The following CPNE4 variants were observed in gnomAD, a reference collection of about 807,000 sequenced individuals.
The protein encoded by CPNE4 is copine-4.
In CPNE4, 25 loss-of-function variants were observed where a neutral mutation model predicts 67.9. The ratio of observed to expected loss-of-function variants is 0.37; its 90% confidence interval spans 0.27 to 0.51. The LOEUF is 0.51. Among genes scored for constraint, CPNE4 ranks in the 20% least tolerant of loss-of-function variants. The probability of loss-of-function intolerance (pLI) is 0.93; values close to 1 mark genes in which losing one functional copy is unlikely to be tolerated. For synonymous variants in CPNE4, 242 were observed against 244.9 expected, an observed-to-expected ratio of 0.99 and a Z score of 0.11; for missense variants, 464 against 690.8, an observed-to-expected ratio of 0.67 and a Z score of 3.68.
rs79127364 is a variant in CPNE4 at position 131,999,241 on chromosome 3, T to TAAAAAAAAAAAAAAAAAA, written c.-2+35308_-2+35325dup. Among the ~76,000 whole-genome samples, 146 of 98,792 alleles carry TAAAAAAAAAAAAAAAAAA rather than the reference T, an allele frequency of 1.5e-3. 7 individuals are homozygous for TAAAAAAAAAAAAAAAAAA. The highest frequency in any genetic ancestry group is 0.012 in the Middle Eastern group (2 of 168). The allele number at this position is 98,792 out of a possible 152,430, so 64.8% of individuals were successfully genotyped here. ...CTCAATTATAGGTATTTATCCAAGG[T>TAAAAAAAAAAAAAAAAAA]AAAAAAAAAAAAAAAAAAAAAAAGA... On this transcript the variant is annotated intron_variant, in intron 1 of 15. Coordinates refer to ENST00000429747, the MANE Select transcript of CPNE4 (RefSeq NM_130808.3).
intron 2 of CPNE4, among the ~76,000 whole-genome samples, chr3:131,767,167 TCTTTGA>T (rs2083040810): frequency 6.6e-6 from 1 of 152,170 alleles, no homozygotes; most frequent in African/African-American, 2.4e-5. Context: ...TCTCTCTCTC[TCTTTGA>T]CTTTGATTTT....
At chr3:131,942,821 T>C (rs1583487432) in intron 1 of CPNE4, among the ~76,000 whole-genome samples, 1 of 152,164 alleles carries the variant, frequency 6.6e-6, no homozygotes, top group Non-Finnish European at 1.5e-5. Flanking sequence ...ATCTGTAAAA[T>C]GATCTCTAAG....
At chr3:131,899,480 C>T (rs2088468045) in intron 2 of CPNE4, among the ~76,000 whole-genome samples, 1 of 152,022 alleles carries the variant, frequency 6.6e-6, no homozygotes, top group African/African-American at 2.4e-5. Flanking sequence ...CTGCAGACAA[C>T]AGAAAGGCCA....
At chr3:132,030,863 A>T (rs2107702900) in intron 1 of CPNE4, among the ~76,000 whole-genome samples, 1 of 152,342 alleles carries the variant, frequency 6.6e-6, no homozygotes, top group Non-Finnish European at 1.5e-5. Flanking sequence ...GGAGATATTC[A>T]CTGAGTTTAA....
At chr3:131,576,090 C>G (rs894442739) in intron 9 of CPNE4, among the ~76,000 whole-genome samples, 1 of 152,116 alleles carries the variant, frequency 6.6e-6, no homozygotes, top group African/African-American at 2.4e-5. Flanking sequence ...CCTGGACAGC[C>G]AGTAACTGTA....
At chr3:131,573,487 G>C (rs951621002) in intron 10 of CPNE4, among the ~76,000 whole-genome samples, 4 of 152,030 alleles carry the variant, frequency 2.6e-5, no homozygotes, top group African/African-American at 9.7e-5. Flanking sequence ...AATTTTTGTT[G>C]GGGCTGATTC....
At chr3:131,774,043 G>A (rs1483379130) in intron 2 of CPNE4, among the ~76,000 whole-genome samples, 4 of 152,034 alleles carry the variant, frequency 2.6e-5, no homozygotes, top group African/African-American at 9.7e-5. Context: ...TATATTTTGA[G>A]ACTATTTCAT....
chr3:131,734,219 C>T (rs73875005), intron 2 of CPNE4, among the ~76,000 whole-genome samples: 6 of 152,178 alleles, frequency 3.9e-5, no homozygotes, highest in Non-Finnish European at 5.9e-5. Flanking sequence ...CTTCTCTTTC[C>T]CATGGCACTT....
intron 1 of CPNE4, among the ~76,000 whole-genome samples, chr3:131,977,783 C>G (rs1451005851): frequency 6.6e-6 from 1 of 151,616 alleles, no homozygotes; most frequent in East Asian, 1.9e-4. Context: ...ACCCATCACC[C>G]AAGCAGTATA....
chr3:132,010,175 C>T (rs914872710), intron 1 of CPNE4, among the ~76,000 whole-genome samples: 1 of 152,146 alleles, frequency 6.6e-6, no homozygotes, highest in Non-Finnish European at 1.5e-5. Context: ...GATTGCCTAA[C>T]TTCAGTGAAT....
At chr3:131,580,346 A>G (rs2107689790) in intron 9 of CPNE4, among the ~76,000 whole-genome samples, 1 of 152,088 alleles carries the variant, frequency 6.6e-6, no homozygotes, top group Admixed American at 6.6e-5. Flanking sequence ...GCTTTATTGC[A>G]TTGGTTTGGA....
intron 2 of CPNE4, among the ~76,000 whole-genome samples, chr3:131,830,668 G>A (rs760196963): frequency 3.9e-5 from 6 of 151,988 alleles, no homozygotes; most frequent in East Asian, 1.9e-4. Context: ...TTCTTATTTC[G>A]AATCAGCTAT....
chr3:131,575,578 T>C (rs1415346177), intron 9 of CPNE4, among the ~76,000 whole-genome samples: 1 of 152,176 alleles, frequency 6.6e-6, no homozygotes, highest in Non-Finnish European at 1.5e-5. Flanking sequence ...GGTAATTTAC[T>C]GACAATTTCC....
At chr3:131,605,152 C>A (rs2081354236) in intron 7 of CPNE4, among the ~76,000 whole-genome samples, 1 of 152,130 alleles carries the variant, frequency 6.6e-6, no homozygotes, top group Non-Finnish European at 1.5e-5. Flanking sequence ...TATTCTCTTG[C>A]ATGGCTCATT....
At chr3:131,905,573 C>A in intron 1 of CPNE4, 129 bp from the exon 2 acceptor site, 1 of 804,526 alleles carries the variant, frequency 1.2e-6, no homozygotes, top group Non-Finnish European at 1.9e-6. Context: ...AGGTATTTAT[C>A]TCACTTTCCA....
intron 7 of CPNE4, among the ~76,000 whole-genome samples, chr3:131,608,610 A>G (rs1248155496): frequency 6.6e-6 from 1 of 152,108 alleles, no homozygotes; most frequent in Non-Finnish European, 1.5e-5. Context: ...CATTGAAATC[A>G]ACTGGCCTTA....
chr3:131,996,505 A>G (rs1217926679), intron 1 of CPNE4, among the ~76,000 whole-genome samples: 1 of 151,746 alleles, frequency 6.6e-6, no homozygotes, highest in Non-Finnish European at 1.5e-5. Context: ...AAAAAGAGAG[A>G]AAGGGGAGAG....
intron 7 of CPNE4, among the ~76,000 whole-genome samples, chr3:131,647,193 C>A (rs2079688478): frequency 6.6e-6 from 1 of 152,174 alleles, no homozygotes. Context: ...AAGCAAGCAG[C>A]CAACTGAAGC....
rs373306622 is a variant in CPNE4, at chr3:131,993,458, G to A, written c.-2+41109C>T. Among the ~76,000 whole-genome samples, 11 of 75,376 alleles carry A rather than the reference G, an allele frequency of 1.5e-4. 1 individual carries two copies. The highest frequency in any genetic ancestry group is 7.7e-4 in the East Asian group (2 of 2,606). 49.4% of individuals were successfully genotyped at this position (75,376 alleles called of 152,430 possible). A position where few individuals can be genotyped will look rare whatever the true frequency, so the allele number is the denominator to read the frequency against. On this transcript the variant is annotated intron_variant, in intron 1 of 15. Coordinates refer to ENST00000429747, the MANE Select transcript of CPNE4 (RefSeq NM_130808.3). ...CTCAAGCAGAAAACACCCTGATTTC[G>A]TGTGCAGGAGTGGCAAAAAAAAAAA...
Sources: gnomAD v4.1 joint callset for allele counts (sites outside exome capture counted in the v4.1 genomes callset) on GRCh38, gnomAD v4.1.1 for gene constraint, MANE v1.5 for transcripts, NCBI Gene and HGNC (gene_info 2026-07-23, HGNC 2026-07-21) for gene names.